The following PLG variants were observed in gnomAD, a reference collection of about 807,000 sequenced individuals.
PLG encodes the protein plasminogen.
PLG carries 41 observed loss-of-function variants against 104.4 expected under a neutral mutation model. The ratio of observed to expected loss-of-function variants is 0.39; its 90% CI spans 0.31 to 0.51. PLG has a LOEUF of 0.51. PLG is among the 20% of genes least tolerant of loss of function. The probability of loss-of-function intolerance (pLI) is 0.76; values close to 1 mark genes in which losing one functional copy is unlikely to be tolerated. For missense variants in PLG, 891 were observed against 1,003.6 expected, an observed-to-expected ratio of 0.89 and a Z score of 1.52; for synonymous variants, 337 against 357.1, an observed-to-expected ratio of 0.94 and a Z score of 0.63.
intron 3 of PLG, among the ~76,000 whole-genome samples, chr6:160,709,943 TAC>T (rs1244703823): frequency 1.1e-4 from 16 of 152,348 alleles, no homozygotes; most frequent in African/African-American, 3.1e-4. Flanking sequence ...AACACAAGTG[TAC>T]TTGACACCTT....
rs1777861826 is a variant in PLG at position 160,723,020 on chromosome 6, C to T, written c.1256+453C>T. ...ATATAAGTATGAATATATATACACA[C>T]ATATATATGTATACATATGTGTGCA... On this transcript the variant is annotated intron_variant, in intron 10 of 18. Coordinates refer to ENST00000308192, the MANE Select transcript of PLG (RefSeq NM_000301.5). This position sits in a 1 kb window ranked among gnomAD's most constrained non-coding sequence, Gnocchi z 4.7. Among the ~76,000 whole-genome samples the T allele has an allele frequency of 6.7e-6, 1 of 148,296 alleles. No individual in the cohort carries two copies. Among genetic ancestry groups the T allele is most frequent in the South Asian group, 2.1e-4 (1 of 4,806 alleles).
chr6:160,742,668 T>A (rs1462991288), intron 17 of PLG, among the ~76,000 whole-genome samples: 1 of 152,202 alleles, frequency 6.6e-6, no homozygotes, highest in African/African-American at 2.4e-5. Context: ...ATCCCATTTG[T>A]CAATTTTTGC....
At chr6:160,707,664 A>G in intron 2 of PLG, 36 bp from the exon 3 acceptor site, 1 of 1,528,146 alleles carries the variant, frequency 6.5e-7, no homozygotes. Context: ...TTAAATAAAG[A>G]AAAATACTTA....
At chr6:160,714,054 T>C (rs986303967) in intron 5 of PLG, among the ~76,000 whole-genome samples, 9 of 152,218 alleles carry the variant, frequency 5.9e-5, no homozygotes, top group African/African-American at 1.9e-4. Flanking sequence ...TTGTACACCA[T>C]GTTATAGGTA....
At position 160,741,418 on chromosome 6, in the gene PLG, G is replaced by C; in HGVS notation, c.2125+1G>C. Reference sequence around the variant, plus strand: ...ATCACTGGCTGGGGAGAAACCCAAGGTGAGATAAATTCCATTGCCCACATA... The same window carrying C: ...ATCACTGGCTGGGGAGAAACCCAAGCTGAGATAAATTCCATTGCCCACATA... On this transcript the variant is annotated splice_donor_variant, in intron 17 of 18. Coordinates refer to ENST00000308192, the MANE Select transcript of PLG (RefSeq NM_000301.5). LOFTEE classifies it high-confidence loss of function. The surrounding 1 kb of genome is among the most constrained non-coding windows in gnomAD (Gnocchi z 4.7). 1.3e-6 allele frequency: 2 copies of C among 1,590,320 alleles called. No individual in the cohort carries two copies. Among genetic ancestry groups the C allele is most frequent in the Non-Finnish European group, 1.7e-6 (2 of 1,158,250 alleles).
chr6:160,718,554 C>G, intron 8 of PLG, 98 bp downstream of exon 8: 1 of 1,365,988 alleles, frequency 7.3e-7, no homozygotes, highest in Non-Finnish European at 1.0e-6. Flanking sequence ...ATAAAGTATT[C>G]TGGAAGAAAA....
Position 160,737,075 on chromosome 6 carries a change from T to A in PLG, c.1802+68T>A. 1 of 1,602,222 alleles carries A rather than the reference T, an allele frequency of 6.2e-7. No homozygotes were observed. Among genetic ancestry groups the A allele is most frequent in the Non-Finnish European group, 8.5e-7 (1 of 1,173,752 alleles). ...AAGCCCTGCAAAACCCTTCTACATT[T>A]ACATAAAATCCACACAGCTGAGGCA... On this transcript the variant is annotated intron_variant, in intron 14 of 18. Coordinates refer to ENST00000308192, the MANE Select transcript of PLG (RefSeq NM_000301.5). This position sits in a 1 kb window ranked among gnomAD's most constrained non-coding sequence, Gnocchi z 4.7.
intron 3 of PLG, 155 bp downstream of exon 3, chr6:160,707,961 C>T (rs1020385185): frequency 5.9e-6 from 4 of 681,590 alleles, no homozygotes; most frequent in East Asian, 2.7e-5. Flanking sequence ...TGATTACTAA[C>T]TAACCATGTC....
chr6:160,728,053 G>A (rs1182855237), intron 10 of PLG, among the ~76,000 whole-genome samples: 2 of 151,930 alleles, frequency 1.3e-5, no homozygotes, highest in East Asian at 3.8e-4. Flanking sequence ...ATTAACGGAT[G>A]CAGAAAGTCC....
chr6:160,751,278 C>G (rs115880694), intron 17 of PLG, among the ~76,000 whole-genome samples: 2,248 of 152,256 alleles, frequency 0.015, 54 homozygotes, highest in African/African-American at 0.051. Context: ...GGGGCCAACA[C>G]GCATGGGGAG....
At chr6:160,713,440 T>G in intron 5 of PLG, 1 of 347,922 alleles carries the variant, frequency 2.9e-6, no homozygotes, top group Non-Finnish European at 5.6e-6. Context: ...TGGCTAATTT[T>G]ATATTTTTAG....
chr6:160,747,581 T>A (rs1778299065), intron 17 of PLG, among the ~76,000 whole-genome samples: 1 of 152,066 alleles, frequency 6.6e-6, no homozygotes, highest in African/African-American at 2.4e-5. Flanking sequence ...AAGTGGTGTT[T>A]TTCACATCAG....
At chr6:160,703,052 G>T (rs1446282750) in intron 1 of PLG, among the ~76,000 whole-genome samples, 1 of 151,478 alleles carries the variant, frequency 6.6e-6, no homozygotes, top group East Asian at 1.9e-4. Context: ...CGTGGTATAG[G>T]TAGGGTAGCA....
intron 17 of PLG, among the ~76,000 whole-genome samples, chr6:160,751,518 G>C (rs1582954927): frequency 6.6e-6 from 1 of 152,218 alleles, no homozygotes; most frequent in East Asian, 1.9e-4. Flanking sequence ...CAAAACATAA[G>C]GTTTACTATT....
chr6:160,722,607 A>C, intron 10 of PLG, 40 bp downstream of exon 10: 1 of 1,590,654 alleles, frequency 6.3e-7, no homozygotes. Flanking sequence ...GCATCAGCCA[A>C]CTGAAATTTC....
intron 2 of PLG, 116 bp downstream of exon 2, chr6:160,706,658 G>A: frequency 9.5e-7 from 1 of 1,051,926 alleles, no homozygotes; most frequent in South Asian, 1.4e-5. Context: ...CCAGAGTTTG[G>A]AACTATATTT....
intron 17 of PLG, among the ~76,000 whole-genome samples, chr6:160,747,014 AC>A (rs1480320214): frequency 1.3e-5 from 2 of 152,214 alleles, no homozygotes; most frequent in African/African-American, 2.4e-5. Flanking sequence ...TGGGGTTTTC[AC>A]CCAGCCCTCA....
intron 9 of PLG, among the ~76,000 whole-genome samples, chr6:160,721,238 C>T (rs536886693): frequency 1.8e-4 from 28 of 152,310 alleles, no homozygotes; most frequent in Admixed American, 1.8e-3. Context: ...TATTATTCAA[C>T]AGTGGCTTTT....
Position 160,723,605 on chromosome 6 carries a change from G to A in PLG, c.1256+1038G>A, listed in dbSNP as rs1243660112. On this transcript the variant is annotated intron_variant, in intron 10 of 18. Transcript: ENST00000308192. The surrounding 1 kb of genome is among the most constrained non-coding windows in gnomAD (Gnocchi z 4.7). Reference sequence around the variant, plus strand: ...TTCTAGGCTAGGTAATAACATGAAAGGAAACATTGTGGAGGAAAGCAGCTC... The same window carrying A: ...TTCTAGGCTAGGTAATAACATGAAAAGAAACATTGTGGAGGAAAGCAGCTC... Among the ~76,000 whole-genome samples, 1 of 152,152 alleles carries A rather than the reference G, an allele frequency of 6.6e-6. No homozygotes were observed. The highest frequency in any genetic ancestry group is 2.4e-5 in the African/African-American group (1 of 41,438).
Sources: gnomAD v4.1 joint callset for allele counts (sites outside exome capture counted in the v4.1 genomes callset) on GRCh38, gnomAD v4.1.1 for gene constraint, Gnocchi (gnomAD v3.1) non-coding constraint, MANE v1.5 for transcripts, NCBI Gene and HGNC (gene_info 2026-07-23, HGNC 2026-07-21) for gene names.